TBC1D32: variants seen among roughly 807,000 people sequenced by gnomAD.
TBC1D32 encodes TBC1 domain family member 32.
In TBC1D32, 151 loss-of-function variants were observed where a neutral mutation model predicts 170.3. The ratio of observed to expected loss-of-function variants is 0.89; its 90% CI spans 0.78 to 1.01. The LOEUF (loss-of-function observed/expected upper bound fraction) is 1.01. Among genes scored for constraint, TBC1D32 ranks in the 50% least tolerant of loss-of-function variants. The pLI is 0.00. For missense variants in TBC1D32, 1,464 were observed against 1,457.1 expected (o/e 1.00, Z -0.08); for synonymous variants, 498 against 488.0 (o/e 1.02, Z -0.27).
chr6:121,131,602 C>A (rs1388840418), intron 25 of TBC1D32, 25 bp downstream of exon 25: 1 of 1,587,682 alleles, frequency 6.3e-7, no homozygotes, highest in Non-Finnish European at 8.6e-7. Context: ...CATAAGAAAA[C>A]CCACAATGGA....
chr6:121,162,335 T>C (rs547737163), intron 22 of TBC1D32, among the ~76,000 whole-genome samples: 5 of 152,302 alleles, frequency 3.3e-5, no homozygotes, highest in African/African-American at 9.6e-5. Flanking sequence ...GGGTTTTGGG[T>C]TTACATTGAA....
rs562436979 is a variant in TBC1D32, at chr6:121,161,427, C to T, written c.2571-371G>A. Reference sequence around the variant, plus strand: ...TCCATATGTTCTCATCATTCAGCTCCCACTTATAAGTGAGAACATAGAGTA... The same window carrying T: ...TCCATATGTTCTCATCATTCAGCTCTCACTTATAAGTGAGAACATAGAGTA... On this transcript the variant is annotated intron_variant, in intron 22 of 31. Coordinates refer to ENST00000398212, the MANE Select transcript of TBC1D32 (RefSeq NM_152730.6). Among the ~76,000 whole-genome samples the T allele has an allele frequency of 4.6e-5, 7 of 152,074 alleles. No homozygotes were observed. The Admixed American group carries it at 4.6e-4, about 10-fold the overall frequency.
Position 121,095,877 on chromosome 6 carries a change from T to C in TBC1D32, c.3466-4836A>G, listed in dbSNP as rs535761677. The C allele has an allele frequency of 2.5e-3, 376 of 152,304 alleles. 2 individuals are homozygous for C. Among genetic ancestry groups the C allele is most frequent in the African/African-American group, 8.6e-3 (358 of 41,570 alleles). The allele number at this position is 152,304 out of a possible 1,614,324, so 9.4% of individuals were successfully genotyped here. A position where few individuals can be genotyped will look rare whatever the true frequency, so the allele number is the denominator to read the frequency against. On this transcript the variant is annotated intron_variant, in intron 30 of 31. Transcript: ENST00000398212. ...TTTGCATCGATATTCATCAGGCATA[T>C]TGGCCTAAAATTTTCTTTTTTGTGT...
intron 13 of TBC1D32, among the ~76,000 whole-genome samples, chr6:121,283,571 T>A (rs888791131): frequency 6.6e-6 from 1 of 151,868 alleles, no homozygotes; most frequent in Non-Finnish European, 1.5e-5. Context: ...ATAAAGAACA[T>A]CATTAAAATT....
At chr6:121,311,599 G>A (rs1159027546) in intron 3 of TBC1D32, among the ~76,000 whole-genome samples, 4 of 151,874 alleles carry the variant, frequency 2.6e-5, no homozygotes, top group African/African-American at 4.8e-5. Context: ...ATGGTGGCAC[G>A]TGCCCGTACT....
intron 24 of TBC1D32, among the ~76,000 whole-genome samples, chr6:121,144,247 T>C (rs2128227952): frequency 6.6e-6 from 1 of 152,274 alleles, no homozygotes; most frequent in Admixed American, 6.5e-5. Context: ...AGTAAAGATG[T>C]CACAAATGTG....
Position 121,241,839 on chromosome 6 carries a change from T to G in TBC1D32, c.2158-287A>C, listed in dbSNP as rs571718632. The stretch of plus-strand genomic sequence containing the variant: ...CCTCTACAAATATTTTTGTTTCCTT[T>G]AAAATGTGAGGCCTAAATCTTCACT... On this transcript the variant is annotated intron_variant, in intron 18 of 31. Coordinates refer to ENST00000398212, the MANE Select transcript of TBC1D32 (RefSeq NM_152730.6). Among the ~76,000 whole-genome samples the G allele has an allele frequency of 5.3e-5, 8 of 152,278 alleles. 1 individual carries two copies. Among genetic ancestry groups the G allele is most frequent in the African/African-American group, 1.9e-4 (8 of 41,566 alleles).
At position 121,331,932 on chromosome 6, in the gene TBC1D32, A is replaced by C. The variant is rs114689207; in HGVS notation, c.155+2344T>G. ...GACTAAAAATGACTTTTAGGATTCT[A>C]TGTCAAGTCTTACCTTTAAGACTAT... is the stretch of plus-strand genomic sequence containing the variant. On this transcript the variant is annotated intron_variant, in intron 1 of 31. Coordinates refer to ENST00000398212, the MANE Select transcript of TBC1D32 (RefSeq NM_152730.6). Among the ~76,000 whole-genome samples, 1,351 of 152,290 alleles carry C rather than the reference A, an allele frequency of 8.9e-3. 25 individuals are homozygous for C. Among genetic ancestry groups the C allele is most frequent in the African/African-American group, 0.031 (1,278 of 41,554 alleles).
At chr6:121,172,853 G>C (rs1245244549) in intron 22 of TBC1D32, among the ~76,000 whole-genome samples, 1 of 152,078 alleles carries the variant, frequency 6.6e-6, no homozygotes, top group Non-Finnish European at 1.5e-5. Flanking sequence ...GTTGGGGATT[G>C]GTGTGTTTCC....
chr6:121,295,435 A>G (rs1430664536), intron 10 of TBC1D32, among the ~76,000 whole-genome samples: 1 of 152,164 alleles, frequency 6.6e-6, no homozygotes, highest in Non-Finnish European at 1.5e-5. Flanking sequence ...AAGGAATAGG[A>G]AGTGAAAAAG....
At chr6:121,172,838 T>C (rs1274230801) in intron 22 of TBC1D32, among the ~76,000 whole-genome samples, 1 of 152,144 alleles carries the variant, frequency 6.6e-6, no homozygotes, top group Admixed American at 6.5e-5. Flanking sequence ...TTATATAGCA[T>C]TTGGGTTGGG....
At chr6:121,135,218 T>C (rs1781918331) in intron 24 of TBC1D32, among the ~76,000 whole-genome samples, 2 of 152,164 alleles carry the variant, frequency 1.3e-5, no homozygotes, top group South Asian at 4.1e-4. Context: ...AGATATTTTA[T>C]ATGACAATTC....
chr6:121,102,118 G>A (rs1362560792), intron 30 of TBC1D32, among the ~76,000 whole-genome samples: 6 of 152,112 alleles, frequency 3.9e-5, no homozygotes, highest in African/African-American at 1.4e-4. Flanking sequence ...AACATTCCAT[G>A]CTCATGGATA....
intron 22 of TBC1D32, among the ~76,000 whole-genome samples, chr6:121,181,802 T>C (rs1040783256): frequency 2.0e-5 from 3 of 152,116 alleles, no homozygotes; most frequent in African/African-American, 4.8e-5. Flanking sequence ...TCAAAAAGAA[T>C]GCAATCCTCT....
chr6:121,201,230 C>A (rs1791515599), intron 22 of TBC1D32, among the ~76,000 whole-genome samples: 1 of 80,036 alleles, frequency 1.2e-5, no homozygotes, highest in Non-Finnish European at 3.6e-5. Context: ...TAGAAGAGTA[C>A]ATTTTTAAAT....
At chr6:121,084,565 A>T (rs1408402153) in intron 31 of TBC1D32, among the ~76,000 whole-genome samples, 1 of 152,118 alleles carries the variant, frequency 6.6e-6, no homozygotes, top group Admixed American at 6.6e-5. Flanking sequence ...TTTATCTAAA[A>T]TATTAGGATG....
intron 22 of TBC1D32, among the ~76,000 whole-genome samples, chr6:121,190,833 A>G (rs866744716): frequency 6.6e-6 from 1 of 152,134 alleles, no homozygotes; most frequent in African/African-American, 2.4e-5. Flanking sequence ...TATCATTTCC[A>G]CTTGAAAGAA....
intron 15 of TBC1D32, among the ~76,000 whole-genome samples, chr6:121,256,879 C>T (rs1348214051): frequency 6.6e-6 from 1 of 151,950 alleles, no homozygotes; most frequent in Non-Finnish European, 1.5e-5. Context: ...ACCATATTGG[C>T]CAGACTGGTC....
At chr6:121,291,900 C>A (rs1237343322) in intron 12 of TBC1D32, among the ~76,000 whole-genome samples, 153 bp downstream of exon 12, 1 of 151,428 alleles carries the variant, frequency 6.6e-6, no homozygotes, top group East Asian at 1.9e-4. Flanking sequence ...TAAAAGAAAA[C>A]AAATACTTCA....
Sources: allele counts gnomAD v4.1 joint callset (sites outside exome capture counted in the v4.1 genomes callset), GRCh38; gene constraint gnomAD v4.1.1; transcripts MANE v1.5; gene names NCBI Gene and HGNC (gene_info 2026-07-23, HGNC 2026-07-21).